IL16: variants seen among roughly 807,000 people sequenced by gnomAD.
IL16 encodes the protein pro-interleukin-16.
IL16 carries 67 observed loss-of-function variants against 110.1 expected under a neutral mutation model. The ratio of observed to expected loss-of-function variants is 0.61; its 90% CI spans 0.50 to 0.75. IL16 has a LOEUF of 0.75. Among genes scored for constraint, IL16 ranks in the 30% least tolerant of loss-of-function variants. The pLI is 0.00. For missense variants in IL16, 1,545 were observed against 1,655.0 expected, an observed-to-expected ratio of 0.93 and a Z score of 1.15; for synonymous variants, 689 against 662.9, an observed-to-expected ratio of 1.04 and a Z score of -0.61.
chr15:81,253,819 T>C (rs1470922228), intron 2 of IL16, among the ~76,000 whole-genome samples: 1 of 152,246 alleles, frequency 6.6e-6, no homozygotes, highest in African/African-American at 2.4e-5. Flanking sequence ...ATGGGTGTGC[T>C]GGGGAAGGTT....
intron 2 of IL16, among the ~76,000 whole-genome samples, chr15:81,253,009 A>G (rs1897821699): frequency 1.3e-5 from 2 of 152,130 alleles, no homozygotes; most frequent in Non-Finnish European, 2.9e-5. Context: ...GAACTGCTGC[A>G]TCATATGGTA....
chr15:81,221,501 G>A (rs1162312781), intron 1 of IL16, among the ~76,000 whole-genome samples: 1 of 152,154 alleles, frequency 6.6e-6, no homozygotes, highest in Non-Finnish European at 1.5e-5. Context: ...GCAATAGCTG[G>A]TTCCAATGTC....
At chr15:81,267,485 C>CAT (rs1898437887) in intron 4 of IL16, among the ~76,000 whole-genome samples, 2 of 140,002 alleles carry the variant, frequency 1.4e-5, no homozygotes, top group Non-Finnish European at 3.0e-5. Context: ...CACAGACACA[C>CAT]ACACACACAC....
At chr15:81,247,314 C>T (rs975492763) in intron 2 of IL16, among the ~76,000 whole-genome samples, 3 of 151,950 alleles carry the variant, frequency 2.0e-5, no homozygotes, top group African/African-American at 7.2e-5. Context: ...TTCCTGTAAG[C>T]ACTGTTTTAT....
chr15:81,232,750 GA>G (rs2142069574), intron 2 of IL16, among the ~76,000 whole-genome samples: 1 of 152,258 alleles, frequency 6.6e-6, no homozygotes, highest in South Asian at 2.1e-4. Context: ...TATAACTCTG[GA>G]TTTGATATGC....
upstream of IL16, among the ~76,000 whole-genome samples, chr15:81,192,871 G>A (rs941144591): frequency 1.3e-5 from 2 of 152,182 alleles, no homozygotes; most frequent in Non-Finnish European, 2.9e-5. Flanking sequence ...TAGAGCCAAC[G>A]AGAATCACTG....
At chr15:81,208,831 A>C (rs1896130396) in intron 1 of IL16, among the ~76,000 whole-genome samples, 1 of 152,136 alleles carries the variant, frequency 6.6e-6, no homozygotes, top group Non-Finnish European at 1.5e-5. Flanking sequence ...TTGTGGTCTG[A>C]CTTTCTCAGT....
chr15:81,306,404 C>G lies in IL16; in HGVS notation c.3680-16C>G. The G allele has an allele frequency of 6.2e-7, 1 of 1,613,478 alleles. No individual in the cohort carries two copies. Among genetic ancestry groups the G allele is most frequent in the Non-Finnish European group, 8.5e-7 (1 of 1,179,840 alleles). ...AGAGGAGAGGATCCCTAACAGAGAC[C>G]TTGTGTTTTTCTCAGCAGCAGAGGC... On this transcript the variant is annotated splice_polypyrimidine_tract_variant and intron_variant, in intron 17 of 18. Transcript: ENST00000683961.
chr15:81,259,908 G>T (rs1331134392), intron 3 of IL16, 28 bp downstream of exon 3: 1 of 1,376,170 alleles, frequency 7.3e-7, no homozygotes, highest in Non-Finnish European at 1.0e-6. Context: ...ATGTCTTCAG[G>T]AACAGAGCTC....
intron 5 of IL16, among the ~76,000 whole-genome samples, chr15:81,272,589 G>C (rs1272403742): frequency 1.3e-5 from 2 of 152,232 alleles, no homozygotes; most frequent in Non-Finnish European, 2.9e-5. Context: ...AGGGGATTGA[G>C]AAGGCCTTTG....
At chr15:81,201,514 T>C (rs1007975765) in intron 1 of IL16, among the ~76,000 whole-genome samples, 1 of 152,228 alleles carries the variant, frequency 6.6e-6, no homozygotes, top group Admixed American at 6.5e-5. Flanking sequence ...CACGAACAAC[T>C]TTTTGAGCCA....
intron 9 of IL16, 128 bp downstream of exon 9, chr15:81,282,884 C>T (rs1194740101): frequency 3.7e-6 from 3 of 805,850 alleles, no homozygotes. Context: ...ATCAGCCGCT[C>T]CGCCCGCCAG....
At position 81,259,907 on chromosome 15, in the gene IL16, G is replaced by A. The variant is rs749192691; in HGVS notation, c.421+27G>A. On this transcript the variant is annotated intron_variant, in intron 3 of 18. Coordinates refer to ENST00000683961, the MANE Select transcript of IL16 (RefSeq NM_172217.5). ...TAAGTGTCTTCCCAACATGTCTTCAGGAACAGAGCTCAGCTGTTCCTGGAT... is the reference window on the plus strand; with the variant it reads ...TAAGTGTCTTCCCAACATGTCTTCAAGAACAGAGCTCAGCTGTTCCTGGAT... 2.2e-6 allele frequency: 3 copies of A among 1,377,674 alleles called. No individual in the cohort carries two copies. The East Asian group carries it at 6.8e-5, about 31-fold the overall frequency. 85.3% of individuals were successfully genotyped at this position (1,377,674 alleles called of 1,614,324 possible). A position where few individuals can be genotyped will look rare whatever the true frequency, so the allele number is the denominator to read the frequency against.
At chr15:81,217,599 A>C (rs766167678) in intron 1 of IL16, among the ~76,000 whole-genome samples, 1 of 152,206 alleles carries the variant, frequency 6.6e-6, no homozygotes, top group African/African-American at 2.4e-5. Context: ...GACCATTCCT[A>C]TTTGTGAATA....
chr15:81,227,272 A>G (rs1440144288), intron 2 of IL16, among the ~76,000 whole-genome samples: 1 of 152,152 alleles, frequency 6.6e-6, no homozygotes, highest in Non-Finnish European at 1.5e-5. Flanking sequence ...ATAATATAAT[A>G]TTATATTAAG....
At chr15:81,264,722 G>C (rs1373629224) in intron 3 of IL16, among the ~76,000 whole-genome samples, 1 of 114,824 alleles carries the variant, frequency 8.7e-6, no homozygotes, top group African/African-American at 4.5e-5. Flanking sequence ...CACTTGAAAT[G>C]TGACTTATTC....
At chr15:81,277,124 A>C (rs1394917717) in intron 6 of IL16, among the ~76,000 whole-genome samples, 1 of 152,236 alleles carries the variant, frequency 6.6e-6, no homozygotes, top group Non-Finnish European at 1.5e-5. Context: ...TGGCTTAAAC[A>C]GAAGATTAGA....
intron 2 of IL16, among the ~76,000 whole-genome samples, chr15:81,242,145 T>C (rs879271221): frequency 6.6e-6 from 1 of 152,170 alleles, no homozygotes; most frequent in Non-Finnish European, 1.5e-5. Context: ...TCTGTAGCTA[T>C]ACATTAAGTC....
chr15:81,284,186 T>A (rs1012193469), intron 9 of IL16, among the ~76,000 whole-genome samples: 2 of 152,210 alleles, frequency 1.3e-5, no homozygotes, highest in African/African-American at 4.8e-5. Flanking sequence ...TTTATCCTAT[T>A]TAATTTGTTA....
Sources: allele counts gnomAD v4.1 joint callset (sites outside exome capture counted in the v4.1 genomes callset), GRCh38; gene constraint gnomAD v4.1.1; transcripts MANE v1.5; gene names NCBI Gene and HGNC (gene_info 2026-07-23, HGNC 2026-07-21).